The following SBF2 variants were observed in gnomAD, a reference collection of about 807,000 sequenced individuals.
SBF2 encodes SET binding factor 2, also known as myotubularin-related protein 13.
In SBF2, 112 loss-of-function variants were observed where a neutral mutation model predicts 225.2. The observed-to-expected ratio is 0.50, with a 90% CI of 0.43 to 0.58. The LOEUF (loss-of-function observed/expected upper bound fraction) is 0.58. Ranked by LOEUF, SBF2 falls within the 20% of genes least tolerant of loss-of-function variation. SBF2 has a pLI of 0.00. For missense variants in SBF2, 1,996 were observed against 2,206.2 expected, an observed-to-expected ratio of 0.90 and a Z score of 1.91; for synonymous variants, 763 against 773.3, an observed-to-expected ratio of 0.99 and a Z score of 0.22.
chr11:10,172,090 T>C (rs753722803), intron 2 of SBF2, among the ~76,000 whole-genome samples: 1 of 152,102 alleles, frequency 6.6e-6, no homozygotes, highest in Non-Finnish European at 1.5e-5. Flanking sequence ...AACCAACTTT[T>C]TGTTTTGTTG....
chr11:9,916,070 C>G (rs1312650075), intron 16 of SBF2, among the ~76,000 whole-genome samples: 1 of 152,068 alleles, frequency 6.6e-6, no homozygotes, highest in Non-Finnish European at 1.5e-5. Context: ...TCTCCAAAAA[C>G]AGACAAACAA....
chr11:9,866,486 T>C (rs1858232549), intron 17 of SBF2, among the ~76,000 whole-genome samples: 1 of 152,088 alleles, frequency 6.6e-6, no homozygotes, highest in African/African-American at 2.4e-5. Context: ...GAAATAACAG[T>C]CTCTTCAATA....
chr11:10,043,602 T>A (rs1949740461), intron 2 of SBF2, among the ~76,000 whole-genome samples: 1 of 151,754 alleles, frequency 6.6e-6, no homozygotes, highest in African/African-American at 2.4e-5. Context: ...TGAGATAGGG[T>A]CTTGTTTCAT....
At chr11:9,805,882 A>C (rs982401273) in intron 32 of SBF2, among the ~76,000 whole-genome samples, 4 of 152,160 alleles carry the variant, frequency 2.6e-5, no homozygotes, top group African/African-American at 9.7e-5. Context: ...TGGCCTCCCA[A>C]AGTGCTGGGA....
At chr11:10,189,180 A>G (rs1018732308) in intron 2 of SBF2, among the ~76,000 whole-genome samples, 1 of 152,146 alleles carries the variant, frequency 6.6e-6, no homozygotes, top group African/African-American at 2.4e-5. Flanking sequence ...TTTATTCTAA[A>G]TAATTACTTA....
At chr11:10,154,034 T>C (rs1474670150) in intron 2 of SBF2, among the ~76,000 whole-genome samples, 4 of 152,090 alleles carry the variant, frequency 2.6e-5, no homozygotes, top group Non-Finnish European at 5.9e-5. Flanking sequence ...TTAATATTGT[T>C]TATCGTCTAT....
chr11:10,024,041 AC>A (rs1366450506), intron 6 of SBF2, among the ~76,000 whole-genome samples: 1 of 152,128 alleles, frequency 6.6e-6, no homozygotes, highest in Non-Finnish European at 1.5e-5. Flanking sequence ...CATAGATTAG[AC>A]CACATTTTTT....
intron 13 of SBF2, among the ~76,000 whole-genome samples, chr11:9,976,150 T>C (rs572901717): frequency 8.0e-5 from 12 of 149,294 alleles, no homozygotes; most frequent in Non-Finnish European, 1.2e-4. Context: ...CTCGGCTCAC[T>C]GCAACCTTTG....
chr11:9,887,233 T>C (rs1406882983), intron 17 of SBF2, among the ~76,000 whole-genome samples: 1 of 151,708 alleles, frequency 6.6e-6, no homozygotes, highest in African/African-American at 2.4e-5. Context: ...GTAATTATTA[T>C]AAAAATAAAT....
chr11:9,897,540 A>T (rs1292358704), intron 16 of SBF2, among the ~76,000 whole-genome samples: 2 of 152,116 alleles, frequency 1.3e-5, no homozygotes, highest in African/African-American at 4.8e-5. Flanking sequence ...AGTTATATTA[A>T]CCAGTCCTTC....
At chr11:10,048,345 A>G (rs1949945689) in intron 2 of SBF2, among the ~76,000 whole-genome samples, 2 of 152,204 alleles carry the variant, frequency 1.3e-5, no homozygotes, top group South Asian at 4.1e-4. Context: ...TATTTTCATA[A>G]TAAACCTAAG....
At chr11:9,886,763 C>A (rs1475780238) in intron 17 of SBF2, among the ~76,000 whole-genome samples, 1 of 146,978 alleles carries the variant, frequency 6.8e-6, no homozygotes, top group Non-Finnish European at 1.5e-5. Flanking sequence ...CTCATTCCCA[C>A]CTGCAAGATA....
At chr11:9,919,733 T>C (rs1191091575) in intron 16 of SBF2, among the ~76,000 whole-genome samples, 1 of 152,118 alleles carries the variant, frequency 6.6e-6, no homozygotes. Flanking sequence ...CCTTTTAGTT[T>C]TTACTTTTTC....
At chr11:9,932,442 A>C (rs1417776404) in intron 16 of SBF2, among the ~76,000 whole-genome samples, 4 of 152,180 alleles carry the variant, frequency 2.6e-5, no homozygotes, top group African/African-American at 9.7e-5. Flanking sequence ...CTCGGCAGAA[A>C]CCCTACAAGC....
At chr11:10,009,595 T>G (rs1948353909) in intron 6 of SBF2, among the ~76,000 whole-genome samples, 1 of 152,244 alleles carries the variant, frequency 6.6e-6, no homozygotes, top group African/African-American at 2.4e-5. Flanking sequence ...GAACTCATCC[T>G]TTTTTATAGC....
chr11:10,294,281 C>T, upstream of SBF2: 1 of 372,708 alleles, frequency 2.7e-6, no homozygotes, highest in Non-Finnish European at 4.7e-6. Context: ...GCTCGGCTGC[C>T]CCAAGCCCGG....
chr11:10,003,242 T>C (rs1160783227), intron 6 of SBF2, among the ~76,000 whole-genome samples: 2 of 152,274 alleles, frequency 1.3e-5, no homozygotes, highest in Non-Finnish European at 2.9e-5. Flanking sequence ...ATATTTTTAA[T>C]CCAGTCTGAC....
intron 2 of SBF2, among the ~76,000 whole-genome samples, chr11:10,171,087 A>G (rs61889957): frequency 0.11 from 16,062 of 152,126 alleles, 1,008 homozygotes; most frequent in Non-Finnish European, 0.11. Context: ...TCTGCAAAGA[A>G]GGATAATTTG....
intron 26 of SBF2, chr11:9,839,294 C>A (rs1397742597): frequency 1.7e-6 from 1 of 601,092 alleles, no homozygotes; most frequent in East Asian, 2.9e-5. Context: ...CTTTACCTTT[C>A]ACCTTCTCAC....
Sources: gnomAD v4.1 joint callset for allele counts (sites outside exome capture counted in the v4.1 genomes callset) on GRCh38, gnomAD v4.1.1 for gene constraint, MANE v1.5 for transcripts, NCBI Gene and HGNC (gene_info 2026-07-23, HGNC 2026-07-21) for gene names.